ITGA9: variants seen among roughly 807,000 people sequenced by gnomAD.
ITGA9 encodes integrin subunit alpha 9.
Under a neutral mutation model 127.8 loss-of-function variants are expected in ITGA9, and 56 were observed. The observed-to-expected ratio is 0.44, with a 90% CI of 0.35 to 0.55. The LOEUF is 0.55. Ranked by LOEUF, ITGA9 falls within the 20% of genes least tolerant of loss-of-function variation. The pLI is 0.00. For missense variants in ITGA9, 1,196 were observed against 1,347.1 expected (o/e 0.89, Z 1.76); for synonymous variants, 508 against 514.5 (o/e 0.99, Z 0.17).
At chr3:37,582,858 C>T (rs1305103893) in intron 15 of ITGA9, among the ~76,000 whole-genome samples, 1 of 152,226 alleles carries the variant, frequency 6.6e-6, no homozygotes, top group African/African-American at 2.4e-5. Context: ...AAGCAATCCT[C>T]AAGCCTCTAT....
rs917929715 is a variant in ITGA9 at position 37,799,318 on chromosome 3, A to G, written c.2890-4505A>G. 8.5e-5 allele frequency among the ~76,000 whole-genome samples: 13 copies of G among 152,164 alleles called. No homozygotes were observed. Among genetic ancestry groups the G allele is most frequent in the African/African-American group, 2.9e-4 (12 of 41,420 alleles). ...CTCAGCCTCCCAAGTAGCTGGGACT[A>G]CAGACATACACCATCACACCTGGCT... On this transcript the variant is annotated intron_variant, in intron 26 of 27. Coordinates refer to ENST00000264741, the MANE Select transcript of ITGA9 (RefSeq NM_002207.3). The surrounding 1 kb of genome is among the most constrained non-coding windows in gnomAD (Gnocchi z 4.0).
At chr3:37,630,679 G>A (rs1290892353) in intron 16 of ITGA9, among the ~76,000 whole-genome samples, 7 of 152,222 alleles carry the variant, frequency 4.6e-5, no homozygotes, top group Non-Finnish European at 1.0e-4. Flanking sequence ...ATGGGCCACA[G>A]TTCACAGTGC....
intron 15 of ITGA9, among the ~76,000 whole-genome samples, chr3:37,565,874 C>A (rs1377761712): frequency 6.6e-6 from 1 of 152,154 alleles, no homozygotes; most frequent in African/African-American, 2.4e-5. Flanking sequence ...ACGTTGGGAA[C>A]TGTTTCGCCA....
chr3:37,617,914 C>G (rs1309973371), intron 15 of ITGA9, among the ~76,000 whole-genome samples: 1 of 152,172 alleles, frequency 6.6e-6, no homozygotes. Flanking sequence ...CAAACTTCCT[C>G]CTTTAGCTCA....
Position 37,820,592 on chromosome 3 carries a change from C to G in ITGA9, c.*1603C>G, listed in dbSNP as rs914648888. 2.0e-5 allele frequency: 3 copies of G among 152,256 alleles called. No individual in the cohort carries two copies. The highest frequency in any genetic ancestry group is 7.2e-5 in the African/African-American group (3 of 41,442). The allele number at this position is 152,256 out of a possible 1,614,324, so 9.4% of individuals were successfully genotyped here. The stretch of plus-strand genomic sequence containing the variant: ...TTAGTTTTGAGTGCAGTGTGATTTT[C>G]TGAAAGGGCAATGAGATGATGGATG... On this transcript the variant is annotated 3_prime_UTR_variant, in exon 28 of 28. Coordinates refer to ENST00000264741, the MANE Select transcript of ITGA9 (RefSeq NM_002207.3).
chr3:37,549,139 G>A (rs764329111), intron 15 of ITGA9, among the ~76,000 whole-genome samples: 4 of 152,220 alleles, frequency 2.6e-5, no homozygotes, highest in Non-Finnish European at 5.9e-5. Context: ...GCCATGTTGT[G>A]CATAGCTGGA....
In ITGA9 at chr3:37,523,526, G is replaced by C. The variant is rs368456899; in HGVS notation, c.1242G>C (p.Leu414=). 1 of 1,613,534 alleles carries C rather than the reference G, an allele frequency of 6.2e-7. No homozygotes were observed. The highest frequency in any genetic ancestry group is 1.1e-5 in the South Asian group (1 of 91,064). The change falls in exon 12 of 28, where the codon CTG becomes CTC. Residue 414 remains leucine, a synonymous_variant. Coordinates refer to ENST00000264741, the MANE Select transcript of ITGA9 (RefSeq NM_002207.3). ...GGIVPQYSMK[L]SGQKINPVLR... is the part of the protein sequence containing the mutation. ...TTCCCTATTATCTGTTTCAGAAACT[G>C]TCTGGGCAGAAGATAAATCCAGTGC...
intron 24 of ITGA9, among the ~76,000 whole-genome samples, chr3:37,778,263 G>A (rs1696931286): frequency 6.6e-6 from 1 of 152,204 alleles, no homozygotes; most frequent in South Asian, 2.1e-4. Context: ...CTGCTTAGAT[G>A]CTGGAAATGT....
intron 21 of ITGA9, 74 bp downstream of exon 21, chr3:37,741,893 A>G (rs958409613): frequency 8.3e-7 from 1 of 1,206,524 alleles, no homozygotes; most frequent in African/African-American, 1.5e-5. Context: ...TCATATTTGC[A>G]TGTGTAGCCA....
intron 15 of ITGA9, among the ~76,000 whole-genome samples, chr3:37,612,602 T>C (rs1575166778): frequency 6.6e-6 from 1 of 152,308 alleles, no homozygotes; most frequent in East Asian, 1.9e-4. Flanking sequence ...GAAGGAAAAT[T>C]CTTTTCCTCT....
chr3:37,523,389 G>T (rs1027740962), intron 11 of ITGA9, 132 bp from the exon 12 acceptor site: 3 of 730,776 alleles, frequency 4.1e-6, no homozygotes, highest in Non-Finnish European at 7.4e-6. Flanking sequence ...GATCACATTA[G>T]GATTACTTTT....
intron 26 of ITGA9, among the ~76,000 whole-genome samples, chr3:37,794,058 T>C (rs1385981343): frequency 2.0e-5 from 3 of 152,228 alleles, no homozygotes; most frequent in African/African-American, 4.8e-5. Context: ...TGCGTGTCCA[T>C]GTCCCATTAA....
chr3:37,771,181 C>T (rs1350472331), intron 23 of ITGA9, among the ~76,000 whole-genome samples: 6 of 152,074 alleles, frequency 3.9e-5, no homozygotes, highest in African/African-American at 1.4e-4. Flanking sequence ...AGCAAGGGGG[C>T]GATGGCCACA....
intron 17 of ITGA9, among the ~76,000 whole-genome samples, chr3:37,657,613 G>T (rs1575182960): frequency 2.3e-5 from 3 of 133,312 alleles, no homozygotes; most frequent in African/African-American, 5.5e-5. Flanking sequence ...GGTCTCTTTT[G>T]TTGATCTTTT....
At chr3:37,581,879 A>G (rs892340318) in intron 15 of ITGA9, among the ~76,000 whole-genome samples, 3 of 152,204 alleles carry the variant, frequency 2.0e-5, no homozygotes, top group East Asian at 3.8e-4. Flanking sequence ...ACAAAATTCA[A>G]TTGGATACAT....
chr3:37,501,450 A>G (rs1698786074), intron 5 of ITGA9, among the ~76,000 whole-genome samples: 2 of 152,262 alleles, frequency 1.3e-5, no homozygotes, highest in Admixed American at 1.3e-4. Context: ...ATTAATACAT[A>G]TAATAAAATA....
intron 4 of ITGA9, among the ~76,000 whole-genome samples, chr3:37,482,477 T>C (rs1387884848): frequency 6.6e-6 from 1 of 152,230 alleles, no homozygotes; most frequent in Non-Finnish European, 1.5e-5. Flanking sequence ...TTTCTCAGCC[T>C]AATTTTGGGT....
At chr3:37,723,500 A>G (rs1701213727) in intron 18 of ITGA9, among the ~76,000 whole-genome samples, 1 of 152,064 alleles carries the variant, frequency 6.6e-6, no homozygotes, top group Admixed American at 6.5e-5. Flanking sequence ...AGCTGGGGCT[A>G]CAGATGTGTG....
chr3:37,483,684 G>A (rs1434181850), intron 4 of ITGA9, among the ~76,000 whole-genome samples: 1 of 152,216 alleles, frequency 6.6e-6, no homozygotes, highest in Non-Finnish European at 1.5e-5. Context: ...ATGTGTGTGG[G>A]CTGGGAAAGC....
Sources: allele counts gnomAD v4.1 joint callset (sites outside exome capture counted in the v4.1 genomes callset), GRCh38; gene constraint gnomAD v4.1.1; non-coding constraint Gnocchi (gnomAD v3.1); transcripts MANE v1.5; gene names NCBI Gene and HGNC (gene_info 2026-07-23, HGNC 2026-07-21).